PCDH15: variants seen among roughly 807,000 people sequenced by gnomAD.
PCDH15 encodes protocadherin related 15, also known as protocadherin-15.
In PCDH15, 129 loss-of-function variants were observed where a neutral mutation model predicts 178.5. The observed-to-expected ratio is 0.72, with a 90% CI of 0.63 to 0.84. The LOEUF is 0.84. Among genes scored for constraint, PCDH15 ranks in the 40% least tolerant of loss-of-function variants. The probability of loss-of-function intolerance (pLI) is 0.00; values close to 1 mark genes in which losing one functional copy is unlikely to be tolerated. For missense variants in PCDH15, 2,230 were observed against 2,099.9 expected (o/e 1.06, Z -1.21); for synonymous variants, 800 against 732.0 (o/e 1.09, Z -1.50).
intron 2 of PCDH15, among the ~76,000 whole-genome samples, chr10:55,358,816 T>C (rs182240584): frequency 5.2e-4 from 79 of 152,226 alleles, no homozygotes; most frequent in Non-Finnish European, 1.0e-3. Context: ...TGCTTATTAG[T>C]TTGCTTTTCG....
chr10:55,558,513 T>C (rs1200324878), intron 2 of PCDH15, among the ~76,000 whole-genome samples: 1 of 152,262 alleles, frequency 6.6e-6, no homozygotes, highest in East Asian at 1.9e-4. Context: ...TTATTTTATA[T>C]GAAAGTAATT....
intron 2 of PCDH15, among the ~76,000 whole-genome samples, chr10:55,501,200 C>CCT (rs1435684447): frequency 6.6e-6 from 1 of 151,594 alleles, no homozygotes; most frequent in African/African-American, 2.4e-5. Flanking sequence ...AGGGAACACT[C>CCT]CTGGGGTACC....
chr10:54,924,619 C>A (rs923757635), intron 2 of PCDH15, among the ~76,000 whole-genome samples: 1 of 151,502 alleles, frequency 6.6e-6, no homozygotes, highest in Non-Finnish European at 1.5e-5. Context: ...TTTTTTTTTA[C>A]CTTTTAAAAA....
intron 2 of PCDH15, among the ~76,000 whole-genome samples, chr10:55,069,762 G>C (rs1841677471): frequency 6.8e-6 from 1 of 146,506 alleles, no homozygotes; most frequent in African/African-American, 2.5e-5. Context: ...CTTTATAGCA[G>C]CATGATTTAT....
At chr10:54,164,805 A>G (rs1261692515) in intron 13 of PCDH15, among the ~76,000 whole-genome samples, 1 of 151,798 alleles carries the variant, frequency 6.6e-6, no homozygotes, top group East Asian at 1.9e-4. Flanking sequence ...CTTAGAAGTC[A>G]TAAGATATTA....
intron 2 of PCDH15, among the ~76,000 whole-genome samples, chr10:54,996,894 A>G (rs1395793773): frequency 6.6e-6 from 1 of 152,010 alleles, no homozygotes; most frequent in Non-Finnish European, 1.5e-5. Context: ...GTGGATCATG[A>G]GGTCAGGAGT....
intron 1 of PCDH15, among the ~76,000 whole-genome samples, chr10:55,217,901 C>A (rs997617813): frequency 2.6e-5 from 4 of 151,832 alleles, no homozygotes; most frequent in African/African-American, 9.7e-5. Context: ...AGTCTAACAG[C>A]TTTTTTGTAA....
chr10:55,560,316 G>C (rs1842172327), intron 2 of PCDH15, among the ~76,000 whole-genome samples: 4 of 151,836 alleles, frequency 2.6e-5, no homozygotes, highest in African/African-American at 7.2e-5. Flanking sequence ...GGGAATGCTT[G>C]ATGTTTTTTC....
chr10:53,825,761 T>C (rs2076635468), intron 32 of PCDH15, among the ~76,000 whole-genome samples: 1 of 150,800 alleles, frequency 6.6e-6, no homozygotes, highest in African/African-American at 2.5e-5. Flanking sequence ...TAAAAAGTTC[T>C]TGAATAGATA....
intron 1 of PCDH15, among the ~76,000 whole-genome samples, chr10:54,771,823 C>T (rs1333358256): frequency 6.6e-6 from 1 of 152,064 alleles, no homozygotes; most frequent in East Asian, 1.9e-4. Context: ...CTTTTATTTG[C>T]TTACACATGA....
chr10:54,783,115 T>C (rs1469375587), intron 1 of PCDH15, among the ~76,000 whole-genome samples: 1 of 151,968 alleles, frequency 6.6e-6, no homozygotes, highest in Non-Finnish European at 1.5e-5. Flanking sequence ...AAAATAATTT[T>C]CCAGTAAGAG....
chr10:54,132,791 T>C lies in PCDH15; in HGVS notation c.1917+84A>G, dbSNP rs2042546106. The stretch of plus-strand genomic sequence containing the variant: ...CAAGCATGTGAGGTTTCTCCCTCCA[T>C]ACACAAATATAAACTCATTAAATGC... On this transcript the variant is annotated intron_variant, in intron 15 of 37. Coordinates refer to ENST00000644397, the MANE Select transcript of PCDH15 (RefSeq NM_001384140.1). 2.6e-6 allele frequency: 4 copies of C among 1,542,848 alleles called. No individual in the cohort carries two copies. The African/African-American group carries it at 4.1e-5, about 16-fold the overall frequency.
At chr10:54,259,979 T>C (rs2132270697) in intron 8 of PCDH15, among the ~76,000 whole-genome samples, 1 of 152,254 alleles carries the variant, frequency 6.6e-6, no homozygotes, top group African/African-American at 2.4e-5. Context: ...TTTTCTGTGG[T>C]AGTAACAGGA....
intron 2 of PCDH15, among the ~76,000 whole-genome samples, chr10:54,959,204 G>A (rs868073392): frequency 1.3e-5 from 2 of 151,718 alleles, no homozygotes; most frequent in South Asian, 2.1e-4. Context: ...AACAAGATTT[G>A]CTGCCATTAG....
intron 2 of PCDH15, among the ~76,000 whole-genome samples, chr10:55,135,883 A>G (rs1838182282): frequency 6.6e-6 from 1 of 152,048 alleles, no homozygotes; most frequent in South Asian, 2.1e-4. Context: ...TGTGCCCGGC[A>G]TAAAGCTTTT....
intron 15 of PCDH15, among the ~76,000 whole-genome samples, chr10:54,108,545 T>C (rs1159957191): frequency 6.6e-6 from 1 of 152,130 alleles, no homozygotes; most frequent in Non-Finnish European, 1.5e-5. Context: ...CTAGGTAAAC[T>C]TGAAATGCAG....
At chr10:55,363,858 G>A in intron 2 of PCDH15, among the ~76,000 whole-genome samples, 1 of 151,986 alleles carries the variant, frequency 6.6e-6, no homozygotes, top group East Asian at 1.9e-4. Context: ...GGTTGGTCTG[G>A]AACTCTGACC....
chr10:54,338,614 A>G lies in PCDH15; in HGVS notation c.594+7751T>C, dbSNP rs182620850. On this transcript the variant is annotated intron_variant, in intron 6 of 37. Coordinates refer to ENST00000644397, the MANE Select transcript of PCDH15 (RefSeq NM_001384140.1). Reference sequence around the variant, plus strand: ...ATTACAAAAGAAGGACAATTTACTCAGGAGGACTTGATAAAAGATGTTACC... The same window carrying G: ...ATTACAAAAGAAGGACAATTTACTCGGGAGGACTTGATAAAAGATGTTACC... Among the ~76,000 whole-genome samples, 1,483 of 152,310 alleles carry G rather than the reference A, an allele frequency of 9.7e-3. 19 individuals carry two copies. Among genetic ancestry groups the G allele is most frequent in the Non-Finnish European group, 0.011 (745 of 68,026 alleles).
At chr10:54,259,052 C>T (rs1021862068) in intron 8 of PCDH15, among the ~76,000 whole-genome samples, 1 of 152,068 alleles carries the variant, frequency 6.6e-6, no homozygotes, top group Admixed American at 6.6e-5. Flanking sequence ...AGAAAATCTT[C>T]TTGAGAAATT....
Sources: gnomAD v4.1 joint callset for allele counts (sites outside exome capture counted in the v4.1 genomes callset) on GRCh38, gnomAD v4.1.1 for gene constraint, MANE v1.5 for transcripts, NCBI Gene and HGNC (gene_info 2026-07-23, HGNC 2026-07-21) for gene names.